Variants in HDAC4 observed in about 807,000 individuals in gnomAD.
HDAC4 encodes histone deacetylase 4.
In HDAC4, 16 loss-of-function variants were observed where a neutral mutation model predicts 135.1. The ratio of observed to expected loss-of-function variants is 0.12; its 90% CI spans 0.08 to 0.18. The LOEUF is 0.18. HDAC4 is among the 10% of genes least tolerant of loss of function. HDAC4 has a pLI of 1.00. For synonymous variants in HDAC4, 685 were observed against 653.4 expected (o/e 1.05, Z -0.74); for missense variants, 1,143 against 1,511.8 (o/e 0.76, Z 4.05).
At chr2:239,373,471 G>GTTGT (rs148353032) in intron 1 of HDAC4, among the ~76,000 whole-genome samples, 4 of 151,688 alleles carry the variant, frequency 2.6e-5, no homozygotes, top group African/African-American at 9.7e-5. Flanking sequence ...TGTTGTTGTT[G>GTTGT]TTGTTTGTTT....
chr2:239,182,765 C>T (rs1229552375), intron 4 of HDAC4, among the ~76,000 whole-genome samples: 4 of 152,194 alleles, frequency 2.6e-5, no homozygotes, highest in South Asian at 2.1e-4. Context: ...AAAGAAGACA[C>T]AGGGACCCTC....
chr2:239,073,276 A>C, intron 22 of HDAC4, among the ~76,000 whole-genome samples: 1 of 152,200 alleles, frequency 6.6e-6, no homozygotes, highest in East Asian at 1.9e-4. Context: ...CCTCTGCGGC[A>C]GCTGTAGAAA....
intron 8 of HDAC4, among the ~76,000 whole-genome samples, chr2:239,143,984 T>C (rs867262186): frequency 2.6e-5 from 4 of 152,176 alleles, no homozygotes; most frequent in Middle Eastern, 6.8e-3. Context: ...GTCCTCTGGA[T>C]GGGGATGTAC....
intron 2 of HDAC4, among the ~76,000 whole-genome samples, chr2:239,341,837 C>A (rs922334546): frequency 1.3e-5 from 2 of 152,150 alleles, no homozygotes; most frequent in Non-Finnish European, 2.9e-5. Flanking sequence ...CCAAAATTCA[C>A]GTGTTAAAAT....
intron 3 of HDAC4, among the ~76,000 whole-genome samples, chr2:239,214,473 G>A (rs1401663923): frequency 6.6e-6 from 1 of 152,228 alleles, no homozygotes; most frequent in African/African-American, 2.4e-5. Flanking sequence ...CAGGGGCTGA[G>A]GATTAGCTGA....
At chr2:239,088,929 T>C (rs1056443737) in intron 18 of HDAC4, among the ~76,000 whole-genome samples, 1 of 152,182 alleles carries the variant, frequency 6.6e-6, no homozygotes, top group African/African-American at 2.4e-5. Context: ...GGAAGATCCA[T>C]GTAACTCCGT....
intron 17 of HDAC4, among the ~76,000 whole-genome samples, chr2:239,092,698 A>T (rs897085085): frequency 1.3e-5 from 2 of 152,148 alleles, no homozygotes; most frequent in Non-Finnish European, 2.9e-5. Context: ...CCACGGCTCC[A>T]GCTCCCAGGG....
chr2:239,386,034 C>G (rs928097834), intron 1 of HDAC4, among the ~76,000 whole-genome samples: 3 of 152,196 alleles, frequency 2.0e-5, no homozygotes, highest in Admixed American at 6.5e-5. Flanking sequence ...GTCGGGGAGG[C>G]TGGGCCAAAC....
chr2:239,165,752 G>A (rs1212127816), intron 5 of HDAC4, among the ~76,000 whole-genome samples: 2 of 152,198 alleles, frequency 1.3e-5, no homozygotes, highest in African/African-American at 4.8e-5. Context: ...CATTTACCCT[G>A]CCTCTTGTTT....
At chr2:239,231,570 C>T (rs1417310551) in intron 3 of HDAC4, among the ~76,000 whole-genome samples, 2 of 152,402 alleles carry the variant, frequency 1.3e-5, no homozygotes, top group South Asian at 2.1e-4. Flanking sequence ...TTCATCCACA[C>T]TTCCTGTTGC....
chr2:239,398,201 A>C (rs1696695991), intron 1 of HDAC4, among the ~76,000 whole-genome samples: 1 of 152,236 alleles, frequency 6.6e-6, no homozygotes, highest in Non-Finnish European at 1.5e-5. Flanking sequence ...TCAGGTATTA[A>C]TATATTACTC....
chr2:239,359,307 G>C (rs989798489), intron 1 of HDAC4, among the ~76,000 whole-genome samples: 2 of 152,216 alleles, frequency 1.3e-5, no homozygotes, highest in African/African-American at 4.8e-5. Context: ...GCACTATTTT[G>C]AAAATGCATA....
intron 3 of HDAC4, among the ~76,000 whole-genome samples, chr2:239,193,581 G>C (rs1179313143): frequency 1.3e-5 from 2 of 152,254 alleles, no homozygotes; most frequent in African/African-American, 4.8e-5. Flanking sequence ...TCTGGGTGCA[G>C]GTGGAGGGTC....
At chr2:239,121,235 G>A (rs2039659572) in intron 12 of HDAC4, among the ~76,000 whole-genome samples, 2 of 152,328 alleles carry the variant, frequency 1.3e-5, no homozygotes, top group South Asian at 2.1e-4. Context: ...GGGATTACAG[G>A]TGTGAGCCAC....
chr2:239,369,644 G>C (rs760205547), intron 1 of HDAC4, among the ~76,000 whole-genome samples: 14 of 152,144 alleles, frequency 9.2e-5, no homozygotes, highest in Admixed American at 9.2e-4. Flanking sequence ...CCGCGTACAC[G>C]GTGTAGCTGG....
intron 13 of HDAC4, 110 bp downstream of exon 13, chr2:239,114,943 A>G (rs1265119940): frequency 1.5e-6 from 2 of 1,309,318 alleles, no homozygotes; most frequent in East Asian, 2.5e-5. Flanking sequence ...CTGGACAGTG[A>G]CCGCGCAAGG....
rs2052606185 is a variant in HDAC4 at position 239,306,723 on chromosome 2, T to A, written c.22+45955A>T. Among the ~76,000 whole-genome samples the A allele has an allele frequency of 1.3e-5, 2 of 149,658 alleles. No homozygotes were observed. The highest frequency in any genetic ancestry group is 3.0e-5 in the Non-Finnish European group (2 of 67,404). ...CATCCAGGGCCCAGGGCCCACAGGG[T>A]TTTACATGGTGAAAAGGGGTAGGGG... is the stretch of plus-strand genomic sequence containing the variant. On this transcript the variant is annotated intron_variant, in intron 2 of 26. Coordinates refer to ENST00000543185, the MANE Select transcript of HDAC4 (RefSeq NM_001378414.1). The surrounding 1 kb of genome is among the most constrained non-coding windows in gnomAD (Gnocchi z 4.5).
At chr2:239,086,532 T>G (rs1056425373) in intron 19 of HDAC4, among the ~76,000 whole-genome samples, 2 of 151,816 alleles carry the variant, frequency 1.3e-5, no homozygotes, top group Non-Finnish European at 2.9e-5. Flanking sequence ...TCTGACTATC[T>G]CTCACGTACA....
At position 239,111,652 on chromosome 2, in the gene HDAC4, C is replaced by G. The variant is rs2152799660; in HGVS notation, c.1852G>C (p.Glu618Gln). 5 of 1,606,456 alleles carry G rather than the reference C, an allele frequency of 3.1e-6. No individual in the cohort carries two copies. The highest frequency in any genetic ancestry group is 4.2e-6 in the Non-Finnish European group (5 of 1,177,230). The stretch of plus-strand genomic sequence containing the variant: ...AAGGACACGGGGATGCCGGCGGCCT[C>G]CATGGACGCCTGGTAGTTCCTCAGC... ...HQLRNYQASM[E>Q]AAGIPVSFGG... Residue 618 changes from glutamate (E) to glutamine (Q), a missense_variant, in exon 14 of 27, where the codon GAG becomes CAG. Physicochemically the swap from Glu to Gln is conservative, Grantham distance 29. Around this residue, in one of 9 missense-constraint regions of HDAC4, gnomAD observed 196 missense variants for 210.7 expected, o/e 0.93. Transcript: ENST00000543185.
Sources: gnomAD v4.1 joint callset for allele counts (sites outside exome capture counted in the v4.1 genomes callset) on GRCh38, gnomAD v4.1.1 for gene constraint, gnomAD v4.1.1 regional missense constraint, Gnocchi (gnomAD v3.1) non-coding constraint, MANE v1.5 for transcripts, NCBI Gene and HGNC (gene_info 2026-07-23, HGNC 2026-07-21) for gene names.